Variants in CREB5 observed in about 807,000 individuals in gnomAD.
CREB5 encodes the protein cAMP responsive element binding protein 5, also known as cyclic AMP-responsive element-binding protein 5.
In CREB5, 19 loss-of-function variants were observed where a neutral mutation model predicts 57.1. That is an observed-to-expected ratio of 0.33 (90% CI 0.23 to 0.49). The LOEUF (loss-of-function observed/expected upper bound fraction) is 0.49, where lower values mean the gene tolerates loss of function less well. Ranked by LOEUF, CREB5 falls within the 20% of genes least tolerant of loss-of-function variation. CREB5 has a pLI of 0.99. For missense variants in CREB5, 579 were observed against 671.6 expected (o/e 0.86, Z 1.52); for synonymous variants, 238 against 238.3 (o/e 1.00, Z 0.01).
chr7:28,421,961 G>GA (rs5883132), intron 1 of CREB5, among the ~76,000 whole-genome samples: 133,764 of 150,424 alleles, frequency 0.89, 59,886 homozygotes, highest in East Asian at 0.98. Flanking sequence ...TGAGATCAAC[G>GA]AAAAAGTCAG....
At chr7:28,473,002 C>T (rs1298594178) in intron 1 of CREB5, among the ~76,000 whole-genome samples, 1 of 152,182 alleles carries the variant, frequency 6.6e-6, no homozygotes, top group Non-Finnish European at 1.5e-5. Context: ...TCAAACAGCT[C>T]ATATGCATTT....
chr7:28,721,295 C>T (rs992905220), intron 6 of CREB5, among the ~76,000 whole-genome samples: 5 of 152,246 alleles, frequency 3.3e-5, no homozygotes, highest in Middle Eastern at 3.4e-3. Context: ...GATTATTTAG[C>T]CCAATATTCA....
chr7:28,525,404 C>G (rs1027748151), intron 4 of CREB5, among the ~76,000 whole-genome samples: 1 of 152,120 alleles, frequency 6.6e-6, no homozygotes, highest in African/African-American at 2.4e-5. Flanking sequence ...AATCTCCATT[C>G]TGTCCTCCAT....
chr7:28,407,545 A>G (rs42710), upstream of CREB5, among the ~76,000 whole-genome samples: 30,906 of 152,218 alleles, frequency 0.2, 3,869 homozygotes, highest in Non-Finnish European at 0.28. Flanking sequence ...ACATTTAGAA[A>G]TGATTTGTGT....
intron 1 of CREB5, among the ~76,000 whole-genome samples, chr7:28,302,772 T>C (rs10258745): frequency 0.6 from 91,037 of 152,046 alleles, 29,887 homozygotes; most frequent in East Asian, 0.96. Flanking sequence ...TAAAGACCAA[T>C]GTGGAAAATT....
intron 5 of CREB5, among the ~76,000 whole-genome samples, chr7:28,665,786 G>A (rs1799800910): frequency 6.6e-6 from 1 of 152,012 alleles, no homozygotes; most frequent in East Asian, 1.9e-4. Flanking sequence ...GGCTGTGGTG[G>A]GAGGATTGCT....
intron 5 of CREB5, among the ~76,000 whole-genome samples, chr7:28,575,036 TA>T (rs1188132499): frequency 1.3e-5 from 2 of 152,226 alleles, no homozygotes; most frequent in African/African-American, 4.8e-5. Context: ...CCAAGACTTA[TA>T]AATTGTACCT....
chr7:28,392,465 TC>T (rs1168764429), intron 1 of CREB5, among the ~76,000 whole-genome samples: 1 of 152,170 alleles, frequency 6.6e-6, no homozygotes, highest in Non-Finnish European at 1.5e-5. Flanking sequence ...GGTATTATTT[TC>T]AATGGCAAAA....
At chr7:28,660,950 C>T (rs7809555) in intron 5 of CREB5, among the ~76,000 whole-genome samples, 2,932 of 152,236 alleles carry the variant, frequency 0.019, 101 homozygotes, top group African/African-American at 0.066. Flanking sequence ...AAGGTTCCAA[C>T]CACTTTGGCA....
At chr7:28,636,255 C>G (rs1027452470) in intron 5 of CREB5, among the ~76,000 whole-genome samples, 2 of 151,960 alleles carry the variant, frequency 1.3e-5, no homozygotes, top group African/African-American at 4.8e-5. Context: ...TTTGAGGGAC[C>G]ATGTCTAAGG....
In CREB5 at chr7:28,606,685, T is replaced by C. The variant is rs528173541; in HGVS notation, c.464+36148T>C. Among the ~76,000 whole-genome samples the C allele has an allele frequency of 1.4e-4, 22 of 152,366 alleles. No individual in the cohort carries two copies. In the South Asian group the frequency reaches 1.7e-3, roughly 11 times the overall value. ...TAATTGGCTCAGGGAGACCATCTTA[T>C]GTTACTCATACAAGATTGTCAGAAA... On this transcript the variant is annotated intron_variant, in intron 5 of 10. Transcript: ENST00000357727.
intron 4 of CREB5, among the ~76,000 whole-genome samples, chr7:28,534,369 G>A (rs1404438080): frequency 6.6e-6 from 1 of 152,154 alleles, no homozygotes; most frequent in African/African-American, 2.4e-5. Context: ...CCTCCCCCGC[G>A]AGCCCTCTCC....
intron 7 of CREB5, among the ~76,000 whole-genome samples, chr7:28,761,379 A>T (rs1357373150): frequency 6.6e-6 from 1 of 152,158 alleles, no homozygotes; most frequent in Non-Finnish European, 1.5e-5. Flanking sequence ...AGGTCTCAAG[A>T]TCCTTCTTGT....
At chr7:28,417,013 T>C (rs1327742296) in intron 1 of CREB5, among the ~76,000 whole-genome samples, 2 of 152,186 alleles carry the variant, frequency 1.3e-5, no homozygotes, top group African/African-American at 4.8e-5. Flanking sequence ...ACAAGCTCTG[T>C]CCATTCGTGG....
In CREB5 at chr7:28,608,129, A is replaced by T. The variant is rs865948475; in HGVS notation, c.464+37592A>T. 9.8e-3 allele frequency among the ~76,000 whole-genome samples: 1,307 copies of T among 133,636 alleles called. 16 individuals are homozygous for T. The highest frequency in any genetic ancestry group is 0.029 in the Middle Eastern group (8 of 274). The allele number at this position is 133,636 out of a possible 152,430, so 87.7% of individuals were successfully genotyped here. Reference sequence around the variant, plus strand: ...CTCTCTCTCTCACACACACTCACACACACACACACACACACACACACACAC... The same window carrying T: ...CTCTCTCTCTCACACACACTCACACTCACACACACACACACACACACACAC... On this transcript the variant is annotated intron_variant, in intron 5 of 10. Coordinates refer to ENST00000357727, the MANE Select transcript of CREB5 (RefSeq NM_182898.4).
chr7:28,794,456 T>C (rs2237362), intron 7 of CREB5, among the ~76,000 whole-genome samples: 38,935 of 152,122 alleles, frequency 0.26, 5,366 homozygotes, highest in African/African-American at 0.37. Flanking sequence ...TTTATTCTAC[T>C]TCCATTGTGC....
At chr7:28,663,826 T>C (rs1239833319) in intron 5 of CREB5, among the ~76,000 whole-genome samples, 2 of 152,220 alleles carry the variant, frequency 1.3e-5, no homozygotes. Flanking sequence ...ATAAACATGT[T>C]CTTCTACACC....
chr7:28,362,995 A>G (rs780893651), intron 1 of CREB5, among the ~76,000 whole-genome samples: 4 of 152,200 alleles, frequency 2.6e-5, no homozygotes, highest in Non-Finnish European at 4.4e-5. Flanking sequence ...TATAATATCT[A>G]ACACTAGGGG....
Position 28,644,666 on chromosome 7 carries a change from A to G in CREB5, c.465-74087A>G, listed in dbSNP as rs187548408. 6.1e-3 allele frequency among the ~76,000 whole-genome samples: 922 copies of G among 152,302 alleles called. 5 individuals are homozygous for G. Among genetic ancestry groups the G allele is most frequent in the Non-Finnish European group, 9.8e-3 (665 of 68,028 alleles). ...TTTCAATTTGAAATTTCAATTTGAA[A>G]TATTACAGATGTTTAAAAAGAAAGA... On this transcript the variant is annotated intron_variant, in intron 5 of 10. Transcript: ENST00000357727.
Sources: gnomAD v4.1 joint callset for allele counts (sites outside exome capture counted in the v4.1 genomes callset) on GRCh38, gnomAD v4.1.1 for gene constraint, MANE v1.5 for transcripts, NCBI Gene and HGNC (gene_info 2026-07-23, HGNC 2026-07-21) for gene names.